Variants in ABTB3 observed in about 807,000 individuals in gnomAD.
The protein encoded by ABTB3 is ankyrin repeat- and BTB/POZ domain-containing protein 3.
chr12:107,649,662 C>T, the ABTB3 span: 1 of 193,290 alleles, frequency 5.2e-6, no homozygotes, highest in Non-Finnish European at 1.1e-5. Context: ...GACGTCTTCT[C>T]CCTTGTCACT....
At chr12:107,335,420 C>T in the ABTB3 span, among the ~76,000 whole-genome samples, 2 of 150,304 alleles carry the variant, frequency 1.3e-5, no homozygotes, top group Non-Finnish European at 2.9e-5. Flanking sequence ...AGGGAAAATG[C>T]CCTCAGTATA....
the ABTB3 span, among the ~76,000 whole-genome samples, chr12:107,579,758 G>A: frequency 6.6e-6 from 1 of 152,208 alleles, no homozygotes; most frequent in South Asian, 2.1e-4. Context: ...GACATGCCAA[G>A]AACATATTTG....
chr12:107,593,881 C>T, the ABTB3 span, among the ~76,000 whole-genome samples: 1 of 152,154 alleles, frequency 6.6e-6, no homozygotes, highest in African/African-American at 2.4e-5. Flanking sequence ...GGCATGCCAC[C>T]GGAGATTGCA....
At chr12:107,555,433 G>T in the ABTB3 span, among the ~76,000 whole-genome samples, 4 of 152,178 alleles carry the variant, frequency 2.6e-5, no homozygotes, top group South Asian at 6.2e-4. Flanking sequence ...CTCTCACAAC[G>T]TGCATGTTTA....
At chr12:107,594,073 G>T in the ABTB3 span, among the ~76,000 whole-genome samples, 6 of 152,194 alleles carry the variant, frequency 3.9e-5, no homozygotes, top group African/African-American at 1.4e-4. Context: ...CTCTGCCAGA[G>T]GGGATGCATT....
the ABTB3 span, among the ~76,000 whole-genome samples, chr12:107,611,749 C>T: frequency 6.6e-6 from 1 of 152,206 alleles, no homozygotes; most frequent in East Asian, 1.9e-4. Context: ...TCCTTTTACA[C>T]ACCCTCCAGC....
chr12:107,628,373 C>T, the ABTB3 span, among the ~76,000 whole-genome samples: 1 of 152,188 alleles, frequency 6.6e-6, no homozygotes, highest in Non-Finnish European at 1.5e-5. Flanking sequence ...GAACTCCTGA[C>T]CTCAGGTGAT....
the ABTB3 span, among the ~76,000 whole-genome samples, chr12:107,328,410 T>C: frequency 6.6e-6 from 1 of 152,244 alleles, no homozygotes; most frequent in African/African-American, 2.4e-5. Context: ...TTATTATCGA[T>C]AGTATCATTC....
the ABTB3 span, among the ~76,000 whole-genome samples, chr12:107,657,229 G>A: frequency 6.6e-5 from 10 of 152,166 alleles, no homozygotes; most frequent in Non-Finnish European, 1.5e-4. Context: ...AGCAGAGCAC[G>A]ATACCCCTGT....
At chr12:107,403,052 G>C in the ABTB3 span, among the ~76,000 whole-genome samples, 1 of 152,160 alleles carries the variant, frequency 6.6e-6, no homozygotes, top group Non-Finnish European at 1.5e-5. Context: ...GTTGTGGAGA[G>C]GGCTCCCACA....
chr12:107,546,929 C>T, the ABTB3 span, among the ~76,000 whole-genome samples: 1 of 152,032 alleles, frequency 6.6e-6, no homozygotes, highest in Non-Finnish European at 1.5e-5. Context: ...CACAGTGGCT[C>T]ACACTTGTAA....
chr12:107,447,747 G>C, the ABTB3 span, among the ~76,000 whole-genome samples: 1 of 152,122 alleles, frequency 6.6e-6, no homozygotes, highest in Non-Finnish European at 1.5e-5. Flanking sequence ...GTGAATTATG[G>C]AGCCCACCCT....
chr12:107,569,936 A>G, the ABTB3 span, among the ~76,000 whole-genome samples: 15 of 152,190 alleles, frequency 9.9e-5, 1 homozygote, highest in Admixed American at 9.2e-4. Context: ...ACCAGCCATC[A>G]TGTCCACAGT....
At chr12:107,319,077 C>T in the ABTB3 span, 2 of 1,612,858 alleles carry the variant, frequency 1.2e-6, no homozygotes, top group Non-Finnish European at 8.5e-7. Flanking sequence ...CCGGCGTCCC[C>T]GTATGGCGGG....
the ABTB3 span, among the ~76,000 whole-genome samples, chr12:107,370,497 T>C: frequency 6.6e-6 from 1 of 152,208 alleles, no homozygotes; most frequent in African/African-American, 2.4e-5. Flanking sequence ...TTTCTTCACA[T>C]GGGCTTTAGG....
At chr12:107,499,499 A>G in the ABTB3 span, among the ~76,000 whole-genome samples, 3 of 152,058 alleles carry the variant, frequency 2.0e-5, no homozygotes, top group Non-Finnish European at 4.4e-5. Context: ...TGCCCTGTGT[A>G]TTCGTCTGTT....
At chr12:107,441,771 C>CAAAAAAA in the ABTB3 span, among the ~76,000 whole-genome samples, 3 of 83,446 alleles carry the variant, frequency 3.6e-5, no homozygotes, top group African/African-American at 2.1e-4. Flanking sequence ...GAACTTGTCT[C>CAAAAAAA]TACAAAAAAA....
chr12:107,634,617 G>A, the ABTB3 span, among the ~76,000 whole-genome samples: 2 of 152,248 alleles, frequency 1.3e-5, no homozygotes, highest in African/African-American at 2.4e-5. Flanking sequence ...ATTAATGAAC[G>A]GAAATGGCTG....
the ABTB3 span, among the ~76,000 whole-genome samples, chr12:107,424,885 G>C: frequency 1.3e-5 from 2 of 152,146 alleles, no homozygotes; most frequent in Admixed American, 6.5e-5. Context: ...ACGCCTGTTA[G>C]GTTTGCCTGA....
Sources: allele counts gnomAD v4.1 joint callset (sites outside exome capture counted in the v4.1 genomes callset), GRCh38; gene constraint gnomAD v4.1.1; transcripts MANE v1.5; gene names NCBI Gene and HGNC (gene_info 2026-07-23, HGNC 2026-07-21).